CCDC69: variants seen among roughly 807,000 people sequenced by gnomAD.
CCDC69 encodes coiled-coil domain-containing protein 69.
In CCDC69, 38 loss-of-function variants were observed where a neutral mutation model predicts 40.3. That is an observed-to-expected ratio of 0.94 (90% confidence interval 0.73 to 1.24). The LOEUF (loss-of-function observed/expected upper bound fraction) is 1.24, where lower values mean the gene tolerates loss of function less well. Among genes scored for constraint, CCDC69 ranks in the 50% most tolerant of loss-of-function variants. The probability of loss-of-function intolerance (pLI) is 0.00; values close to 1 mark genes in which losing one functional copy is unlikely to be tolerated. For synonymous variants in CCDC69, 141 were observed against 138.9 expected, an observed-to-expected ratio of 1.02 and a Z score of -0.11; for missense variants, 389 against 357.9, an observed-to-expected ratio of 1.09 and a Z score of -0.70.
At chr5:151,187,560 C>T in intron 4 of CCDC69, 101 bp from the exon 5 acceptor site, 1 of 907,420 alleles carries the variant, frequency 1.1e-6, no homozygotes, top group Non-Finnish European at 1.8e-6. Context: ...AACTGGGGCC[C>T]ATAGAGGCCA....
At chr5:151,222,234 G>C (rs1361297235) in intron 1 of CCDC69, among the ~76,000 whole-genome samples, 1 of 152,254 alleles carries the variant, frequency 6.6e-6, no homozygotes, top group Admixed American at 6.5e-5. Flanking sequence ...AGCCCAGGTA[G>C]TACCCAAAGG....
intron 3 of CCDC69, 58 bp from the exon 4 acceptor site, chr5:151,199,142 T>G: frequency 1.6e-5 from 23 of 1,402,166 alleles, no homozygotes; most frequent in Non-Finnish European, 2.0e-5. Context: ...ACAGCATCTC[T>G]TATCCCCTCA....
At chr5:151,200,270 C>T (rs976255387) in intron 3 of CCDC69, among the ~76,000 whole-genome samples, 1 of 152,070 alleles carries the variant, frequency 6.6e-6, no homozygotes, top group Non-Finnish European at 1.5e-5. Flanking sequence ...TCCCAAGTAG[C>T]TGGGATTACA....
intron 1 of CCDC69, among the ~76,000 whole-genome samples, chr5:151,211,366 C>T (rs571016931): frequency 7.9e-5 from 12 of 152,284 alleles, no homozygotes; most frequent in Non-Finnish European, 4.4e-5. Context: ...CTGTATTGGA[C>T]TTGCCCCAGT....
intron 1 of CCDC69, among the ~76,000 whole-genome samples, chr5:151,222,562 G>A (rs762909233): frequency 1.3e-5 from 2 of 152,192 alleles, no homozygotes; most frequent in Non-Finnish European, 2.9e-5. Context: ...TGAGACCCAG[G>A]GAGACACAAG....
At chr5:151,202,686 G>T (rs962910973) in intron 2 of CCDC69, among the ~76,000 whole-genome samples, 2 of 152,196 alleles carry the variant, frequency 1.3e-5, no homozygotes, top group African/African-American at 4.8e-5. Flanking sequence ...TCAGCTGGTA[G>T]TAGAGGGTGC....
intron 3 of CCDC69, among the ~76,000 whole-genome samples, chr5:151,201,046 C>T (rs1241067176): frequency 6.6e-6 from 1 of 152,198 alleles, no homozygotes; most frequent in African/African-American, 2.4e-5. Context: ...TTATTTTGCC[C>T]TCACTACCTA....
Position 151,183,494 on chromosome 5 carries a change from C to T in CCDC69, c.834G>A (p.Ser278=), listed in dbSNP as rs139418827. ...TGACAGGGGCCAGAGGGAAGGCAGG[C>T]GAGGCATTGGCCCCAAGGACCCGGT... The part of the protein sequence containing the change: ...LLYRVLGANA[S]PAFPLAPVTP... Residue 278 remains serine (S), a synonymous_variant, in exon 9 of 9, where the codon TCG becomes TCA. Transcript: ENST00000355417. The T allele has an allele frequency of 9.3e-6, 15 of 1,607,148 alleles. No individual in the cohort carries two copies. Among genetic ancestry groups the T allele is most frequent in the Middle Eastern group, 1.7e-4 (1 of 6,054 alleles).
In CCDC69 at chr5:151,184,410, A is replaced by AT. The variant is rs1027547198; in HGVS notation, c.646dup (p.Ile216AsnfsTer9). On this transcript the variant is annotated frameshift_variant, in exon 8 of 9. Coordinates refer to ENST00000355417, the MANE Select transcript of CCDC69 (RefSeq NM_015621.3). LOFTEE classifies it high-confidence loss of function. Reference sequence around the variant, plus strand: ...CTCATTTTCCTGTTGCAGGGTCGTAATTTTTTCCTCCAATATCAGATTTTT... The same window carrying AT: ...CTCATTTTCCTGTTGCAGGGTCGTAATTTTTTTCCTCCAATATCAGATTTTT... 12 of 1,613,794 alleles carry AT rather than the reference A, an allele frequency of 7.4e-6. No individual in the cohort carries two copies. The highest frequency in any genetic ancestry group is 1.6e-4 in the Middle Eastern group (1 of 6,082).
intron 1 of CCDC69, chr5:151,215,447 T>TGAG (rs1753023120): frequency 4.9e-6 from 1 of 203,922 alleles, no homozygotes. Flanking sequence ...AGGGGCAGAG[T>TGAG]GAGGTCATCT....
chr5:151,201,562 G>A lies in CCDC69; in HGVS notation c.231+20C>T, dbSNP rs200704375. ...TAGCTGAGCAGGAGAAAGACAGGGGGTGGGGGCACCTGGACTTACCTGTTG... is the reference window on the plus strand; with the variant it reads ...TAGCTGAGCAGGAGAAAGACAGGGGATGGGGGCACCTGGACTTACCTGTTG... On this transcript the variant is annotated intron_variant, in intron 3 of 8. Transcript: ENST00000355417. The A allele has an allele frequency of 7.9e-6, 12 of 1,528,032 alleles. No homozygotes were observed. The highest frequency in any genetic ancestry group is 1.4e-5 in the African/African-American group (1 of 73,022). The allele number at this position is 1,528,032 out of a possible 1,614,324, so 94.7% of individuals were successfully genotyped here. A position where few individuals can be genotyped will look rare whatever the true frequency, so the allele number is the denominator to read the frequency against.
intron 4 of CCDC69, among the ~76,000 whole-genome samples, chr5:151,196,550 A>G (rs1489827136): frequency 1.3e-5 from 2 of 152,200 alleles, no homozygotes; most frequent in Non-Finnish European, 2.9e-5. Flanking sequence ...TTCAAGGTCA[A>G]TTTCAGTAAC....
In CCDC69 at chr5:151,186,271, C is replaced by T. The variant is rs540594726; in HGVS notation, c.394-147G>A. The stretch of plus-strand genomic sequence containing the variant: ...ATGACAATGCAACATCAACATACTT[C>T]GACCACTGCTTGAGATCTACCAGCC... On this transcript the variant is annotated intron_variant, in intron 5 of 8. Coordinates refer to ENST00000355417, the MANE Select transcript of CCDC69 (RefSeq NM_015621.3). 2.9e-5 allele frequency: 19 copies of T among 649,298 alleles called. No homozygotes were observed. The East Asian group carries it at 3.0e-4, about 10-fold the overall frequency. 40.2% of individuals were successfully genotyped at this position (649,298 alleles called of 1,614,324 possible).
At chr5:151,219,737 T>G (rs1753108922) in intron 1 of CCDC69, among the ~76,000 whole-genome samples, 1 of 152,166 alleles carries the variant, frequency 6.6e-6, no homozygotes, top group South Asian at 2.1e-4. Context: ...ATTAAAAGAT[T>G]TTTTAATTTC....
intron 1 of CCDC69, among the ~76,000 whole-genome samples, chr5:151,221,041 C>A (rs1021959237): frequency 3.3e-5 from 5 of 152,174 alleles, no homozygotes; most frequent in African/African-American, 1.2e-4. Context: ...CACCCCCAGC[C>A]TGCCAGGAAC....
intron 1 of CCDC69, chr5:151,212,920 G>A (rs12655234): frequency 0.097 from 44,186 of 455,904 alleles, 2,445 homozygotes; most frequent in Non-Finnish European, 0.12. Context: ...GTGGGGAATC[G>A]TGGTGGAAGT....
intron 1 of CCDC69, among the ~76,000 whole-genome samples, chr5:151,217,981 A>G (rs1020506264): frequency 1.6e-4 from 23 of 145,572 alleles, no homozygotes; most frequent in Admixed American, 1.4e-3. Flanking sequence ...GTCATTGTAC[A>G]CTCAGTGAAA....
chr5:151,207,059 C>T (rs1333161547), intron 1 of CCDC69, among the ~76,000 whole-genome samples: 1 of 152,028 alleles, frequency 6.6e-6, no homozygotes, highest in Admixed American at 6.6e-5. Flanking sequence ...GCTGAGACTA[C>T]AGGCATGTGC....
intron 2 of CCDC69, among the ~76,000 whole-genome samples, chr5:151,202,112 T>C (rs749465155): frequency 6.6e-6 from 1 of 151,584 alleles, no homozygotes; most frequent in Non-Finnish European, 1.5e-5. Flanking sequence ...TCCCAGCACT[T>C]TGGGAGGCTG....
Sources: gnomAD v4.1 joint callset for allele counts (sites outside exome capture counted in the v4.1 genomes callset) on GRCh38, gnomAD v4.1.1 for gene constraint, MANE v1.5 for transcripts, NCBI Gene and HGNC (gene_info 2026-07-23, HGNC 2026-07-21) for gene names.